The following NAALADL2 variants were observed in gnomAD, a reference collection of about 807,000 sequenced individuals.
NAALADL2 encodes the protein inactive N-acetylated-alpha-linked acidic dipeptidase-like protein 2.
NAALADL2 carries 76 observed loss-of-function variants against 87.2 expected under a neutral mutation model. That is an observed-to-expected ratio of 0.87 (90% CI 0.72 to 1.05). NAALADL2 has a LOEUF of 1.05. Among genes scored for constraint, NAALADL2 ranks in the 50% least tolerant of loss-of-function variants. NAALADL2 has a pLI of 0.00. For synonymous variants in NAALADL2, 354 were observed against 331.0 expected (o/e 1.07, Z -0.75); for missense variants, 1,089 against 945.8 (o/e 1.15, Z -1.99).
intron 4 of NAALADL2, among the ~76,000 whole-genome samples, chr3:175,267,239 T>A (rs1161193321): frequency 2.0e-5 from 3 of 152,092 alleles, no homozygotes; most frequent in Non-Finnish European, 2.9e-5. Flanking sequence ...AATCTTATTA[T>A]GAATCACTAA....
chr3:175,682,954 G>T (rs1015669296), intron 11 of NAALADL2, among the ~76,000 whole-genome samples: 21 of 151,938 alleles, frequency 1.4e-4, no homozygotes, highest in Admixed American at 6.6e-5. Context: ...TAAAAGGAGA[G>T]ATCTCAAAGT....
At chr3:174,934,754 CATG>C (rs1174782591) in intron 1 of NAALADL2, among the ~76,000 whole-genome samples, 1 of 152,008 alleles carries the variant, frequency 6.6e-6, no homozygotes. Flanking sequence ...AACAACAAAA[CATG>C]ATTCTTGTCT....
chr3:174,869,995 G>A lies in NAALADL2; in HGVS notation c.43+10545G>A, dbSNP rs1298462514. On this transcript the variant is annotated intron_variant, in intron 1 of 13. Transcript: ENST00000454872. The stretch of plus-strand genomic sequence containing the variant: ...TGGGCAACAAGAGCGACAAAACTCC[G>A]TCCCCACCCGCCAAAAAAAAAAAAA... Among the ~76,000 whole-genome samples, 8 of 103,760 alleles carry A rather than the reference G, an allele frequency of 7.7e-5. No individual in the cohort carries two copies. The Admixed American group carries it at 9.1e-4, about 12-fold the overall frequency. The allele number at this position is 103,760 out of a possible 152,430, so 68.1% of individuals were successfully genotyped here. A position where few individuals can be genotyped will look rare whatever the true frequency, so the allele number is the denominator to read the frequency against.
chr3:175,432,156 C>T (rs1246867907), intron 5 of NAALADL2, among the ~76,000 whole-genome samples: 1 of 151,966 alleles, frequency 6.6e-6, no homozygotes, highest in Non-Finnish European at 1.5e-5. Context: ...TATTTCTGAG[C>T]TTTAGAGTTA....
chr3:175,618,177 C>T (rs78366748), intron 10 of NAALADL2, among the ~76,000 whole-genome samples: 2 of 152,160 alleles, frequency 1.3e-5, no homozygotes, highest in East Asian at 1.9e-4. Flanking sequence ...CTCTATATAC[C>T]TGTCACGGTT....
At chr3:175,165,441 T>A (rs182691513) in intron 2 of NAALADL2, among the ~76,000 whole-genome samples, 11 of 152,106 alleles carry the variant, frequency 7.2e-5, no homozygotes, top group Admixed American at 5.9e-4. Context: ...ACTAAAAAAA[T>A]TAAAAATTCA....
chr3:175,031,366 G>C (rs1004632521), intron 1 of NAALADL2, among the ~76,000 whole-genome samples: 8 of 152,024 alleles, frequency 5.3e-5, no homozygotes, highest in African/African-American at 1.9e-4. Flanking sequence ...TTATAAGTGA[G>C]AGCATGTGGT....
At chr3:174,983,272 T>G (rs1422514644) in intron 1 of NAALADL2, among the ~76,000 whole-genome samples, 1 of 152,082 alleles carries the variant, frequency 6.6e-6, no homozygotes, top group Non-Finnish European at 1.5e-5. Context: ...GTAAACAGCT[T>G]AGGATGAGTT....
At position 174,792,932 on chromosome 3, in the gene NAALADL2, C is replaced by CT. The variant is rs1414426262; in HGVS notation, c.-9+55193dup. ...CAGCTTTAAAGGGTTTGGCAGTATA[C>CT]TTTTTTTCTTTTTTTAACTTAGAGT... On this transcript the variant is annotated intron_variant, in intron 3 of 3. Transcript: ENST00000434257. Among the ~76,000 whole-genome samples, 6 of 152,124 alleles carry CT rather than the reference C, an allele frequency of 3.9e-5. No individual in the cohort carries two copies. In the South Asian group the frequency reaches 1.0e-3, roughly 26 times the overall value.
intron 3 of NAALADL2, among the ~76,000 whole-genome samples, chr3:174,787,584 T>TATATATATATATATATATATATATAC (rs1716853048): frequency 1.7e-5 from 1 of 59,214 alleles, no homozygotes; most frequent in Non-Finnish European, 3.6e-5. Flanking sequence ...ATCATATATA[T>TATATATATATATATATATATATATAC]ATATATATAT....
chr3:175,601,436 C>T (rs1268908211), intron 10 of NAALADL2, among the ~76,000 whole-genome samples: 2 of 151,872 alleles, frequency 1.3e-5, no homozygotes, highest in African/African-American at 2.4e-5. Flanking sequence ...ATGAAAAATC[C>T]CACTTTATTT....
intron 5 of NAALADL2, among the ~76,000 whole-genome samples, chr3:175,329,878 G>A (rs1192781014): frequency 2.0e-5 from 3 of 152,070 alleles, no homozygotes; most frequent in Non-Finnish European, 4.4e-5. Flanking sequence ...AAATAATTTT[G>A]GCGACGTAAG....
chr3:175,358,886 G>C (rs528472891), intron 5 of NAALADL2, among the ~76,000 whole-genome samples: 1 of 152,136 alleles, frequency 6.6e-6, no homozygotes, highest in Admixed American at 6.6e-5. Context: ...CATGCCTCTG[G>C]GAAACTGGTC....
At chr3:174,804,876 G>A (rs1197074748) in intron 3 of NAALADL2, among the ~76,000 whole-genome samples, 1 of 152,104 alleles carries the variant, frequency 6.6e-6, no homozygotes, top group Non-Finnish European at 1.5e-5. Flanking sequence ...TAAACAAGAT[G>A]TTATACTCAT....
At chr3:175,706,601 AG>A (rs1306493568) in intron 11 of NAALADL2, among the ~76,000 whole-genome samples, 17 of 152,294 alleles carry the variant, frequency 1.1e-4, no homozygotes, top group Admixed American at 9.8e-4. Context: ...TACTTACCAA[AG>A]GATCATTGTC....
chr3:175,245,326 C>T (rs963831068), intron 3 of NAALADL2, among the ~76,000 whole-genome samples: 4 of 152,112 alleles, frequency 2.6e-5, no homozygotes, highest in Admixed American at 1.3e-4. Flanking sequence ...CAATTTTTTA[C>T]TCTAGCCTGA....
intron 5 of NAALADL2, among the ~76,000 whole-genome samples, chr3:175,351,228 AT>A (rs1763727628): frequency 1.3e-5 from 2 of 152,070 alleles, no homozygotes; most frequent in Non-Finnish European, 2.9e-5. Flanking sequence ...TCTATGATAT[AT>A]TTTTTGATTT....
At chr3:174,785,595 T>C (rs950080571) in intron 3 of NAALADL2, among the ~76,000 whole-genome samples, 2 of 152,184 alleles carry the variant, frequency 1.3e-5, no homozygotes, top group African/African-American at 4.8e-5. Flanking sequence ...AAATAAATAT[T>C]GCTTTGTCTA....
At chr3:175,394,921 T>A (rs1488214458) in intron 5 of NAALADL2, among the ~76,000 whole-genome samples, 1 of 152,224 alleles carries the variant, frequency 6.6e-6, no homozygotes, top group East Asian at 1.9e-4. Flanking sequence ...TTTAGCAATC[T>A]CAGCATGTGA....
Sources: gnomAD v4.1 joint callset for allele counts (sites outside exome capture counted in the v4.1 genomes callset) on GRCh38, gnomAD v4.1.1 for gene constraint, MANE v1.5 for transcripts, NCBI Gene and HGNC (gene_info 2026-07-23, HGNC 2026-07-21) for gene names.